Variants in SPATA13 observed in about 807,000 individuals in gnomAD.
SPATA13 encodes spermatogenesis-associated protein 13.
SPATA13 carries 50 observed loss-of-function variants against 104.0 expected under a neutral mutation model. That is an observed-to-expected ratio of 0.48 (90% CI 0.38 to 0.61). The LOEUF is 0.61. Ranked by LOEUF, SPATA13 falls within the 20% of genes least tolerant of loss-of-function variation. SPATA13 has a pLI of 0.00. For synonymous variants in SPATA13, 606 were observed against 667.5 expected (o/e 0.91, Z 1.42); for missense variants, 1,524 against 1,690.6 (o/e 0.90, Z 1.73).
intron 3 of SPATA13, among the ~76,000 whole-genome samples, chr13:24,087,016 A>G (rs1344375541): frequency 1.3e-5 from 2 of 152,194 alleles, no homozygotes. Flanking sequence ...TCTTTTTTTA[A>G]TAAAGCAGAA....
In SPATA13 at chr13:24,303,005, C is replaced by A; in HGVS notation, c.*232C>A. On this transcript the variant is annotated 3_prime_UTR_variant, in exon 13 of 13. Transcript: ENST00000382108. ...AAGCTTTATCCTACACAGAAACACC[C>A]GTGACCCACTATGAGATGGCCCAGA... The A allele has an allele frequency of 3.5e-6, 2 of 578,968 alleles. No individual in the cohort carries two copies. Among genetic ancestry groups the A allele is most frequent in the Non-Finnish European group, 3.1e-6 (1 of 325,702 alleles). The allele number at this position is 578,968 out of a possible 1,614,324, so 35.9% of individuals were successfully genotyped here. A position where few individuals can be genotyped will look rare whatever the true frequency, so the allele number is the denominator to read the frequency against.
At chr13:24,221,079 G>C (rs1252659599) in intron 1 of SPATA13, among the ~76,000 whole-genome samples, 2 of 152,176 alleles carry the variant, frequency 1.3e-5, no homozygotes, top group African/African-American at 4.8e-5. Context: ...GGGTCGTGAG[G>C]CCCAGGAATT....
At chr13:24,283,185 C>T (rs1054454362) in intron 4 of SPATA13, among the ~76,000 whole-genome samples, 6 of 152,198 alleles carry the variant, frequency 3.9e-5, no homozygotes, top group Non-Finnish European at 2.9e-5. Context: ...GGGAGGATCC[C>T]TTCCTCTTTA....
intron 1 of SPATA13, among the ~76,000 whole-genome samples, chr13:24,173,937 T>G (rs1593381261): frequency 6.6e-6 from 1 of 152,246 alleles, no homozygotes; most frequent in Non-Finnish European, 1.5e-5. Flanking sequence ...TTTTTTGTAC[T>G]GTTTTGATCA....
At chr13:24,149,284 A>G (rs978089101) in intron 3 of SPATA13, among the ~76,000 whole-genome samples, 3 of 152,214 alleles carry the variant, frequency 2.0e-5, no homozygotes, top group Non-Finnish European at 4.4e-5. Flanking sequence ...CCAAGAGAGA[A>G]GAGAGAACAC....
intron 3 of SPATA13, among the ~76,000 whole-genome samples, chr13:24,131,701 A>G (rs1415144482): frequency 6.6e-6 from 1 of 152,212 alleles, no homozygotes. Context: ...TCTAACATCT[A>G]TCTGAGGAAA....
chr13:24,154,739 C>T (rs1882208900), intron 3 of SPATA13, among the ~76,000 whole-genome samples: 1 of 152,204 alleles, frequency 6.6e-6, no homozygotes, highest in African/African-American at 2.4e-5. Flanking sequence ...AGGCTGCTGC[C>T]ACAGTTGGGC....
At chr13:24,140,706 C>T (rs1033850) in intron 3 of SPATA13, among the ~76,000 whole-genome samples, 67,461 of 152,020 alleles carry the variant, frequency 0.44, 15,882 homozygotes, top group Admixed American at 0.56. Flanking sequence ...GTATTTAAGT[C>T]AAAGAGCCAA....
intron 2 of SPATA13, among the ~76,000 whole-genome samples, chr13:24,239,504 G>A (rs943526338): frequency 1.3e-5 from 2 of 151,868 alleles, no homozygotes; most frequent in African/African-American, 4.8e-5. Flanking sequence ...AGACCAGCTT[G>A]GGCAACATGG....
intron 4 of SPATA13, chr13:24,278,516 G>T: frequency 1.4e-6 from 1 of 735,072 alleles, no homozygotes; most frequent in Non-Finnish European, 2.0e-6. Context: ...GGGCTCAAGG[G>T]ATCCTCCTGC....
At chr13:24,240,371 T>G (rs781487223) in intron 2 of SPATA13, among the ~76,000 whole-genome samples, 3 of 152,196 alleles carry the variant, frequency 2.0e-5, no homozygotes, top group South Asian at 2.1e-4. Context: ...ATGTTTTTCT[T>G]GAGCCTAGAA....
chr13:24,122,763 A>G (rs1437393761), intron 3 of SPATA13: 11 of 809,472 alleles, frequency 1.4e-5, no homozygotes, highest in African/African-American at 3.3e-5. Flanking sequence ...GAAGACTTCA[A>G]ATACAAGGGG....
At chr13:24,006,898 G>A (rs375868042) in intron 2 of SPATA13, among the ~76,000 whole-genome samples, 1 of 152,208 alleles carries the variant, frequency 6.6e-6, no homozygotes, top group African/African-American at 2.4e-5. Flanking sequence ...TTAACACGAA[G>A]CCCCTCTCTG....
chr13:24,154,067 G>C (rs907604744), intron 3 of SPATA13, among the ~76,000 whole-genome samples: 3 of 152,234 alleles, frequency 2.0e-5, no homozygotes, highest in East Asian at 1.9e-4. Flanking sequence ...GTGAAGGTGG[G>C]GGACCATGTA....
intron 1 of SPATA13, chr13:24,162,564 G>A (rs1006992819): frequency 6.4e-6 from 1 of 155,476 alleles, no homozygotes; most frequent in African/African-American, 2.4e-5. Flanking sequence ...CTGACTGATT[G>A]TTTTCTTATT....
intron 3 of SPATA13, among the ~76,000 whole-genome samples, chr13:24,118,735 C>A (rs1373390489): frequency 6.6e-6 from 1 of 152,082 alleles, no homozygotes; most frequent in African/African-American, 2.4e-5. Context: ...ATAGTCTTAC[C>A]CATCTGCAGC....
At chr13:24,270,816 C>T (rs1178833001) in intron 4 of SPATA13, 1 of 1,612,546 alleles carries the variant, frequency 6.2e-7, no homozygotes, top group Admixed American at 1.7e-5. Context: ...CTCGGTCACA[C>T]CCCAGTCCTG....
intron 1 of SPATA13, among the ~76,000 whole-genome samples, chr13:24,190,562 C>T (rs553189894): frequency 3.3e-4 from 49 of 150,732 alleles, no homozygotes; most frequent in Middle Eastern, 3.4e-3. Context: ...TCATGGATGA[C>T]TTTGAGGGGT....
intron 3 of SPATA13, among the ~76,000 whole-genome samples, chr13:24,085,370 G>T (rs568430458): frequency 6.6e-6 from 1 of 152,166 alleles, no homozygotes; most frequent in East Asian, 1.9e-4. Context: ...CAGGTGATCC[G>T]CCCACCTCAG....
Sources: allele counts gnomAD v4.1 joint callset (sites outside exome capture counted in the v4.1 genomes callset), GRCh38; gene constraint gnomAD v4.1.1; transcripts MANE v1.5; gene names NCBI Gene and HGNC (gene_info 2026-07-23, HGNC 2026-07-21).